Variants in BTBD9 observed in about 807,000 individuals in gnomAD.
BTBD9 encodes BTB domain containing 9.
Under a neutral mutation model 64.3 loss-of-function variants are expected in BTBD9, and 49 were observed. The ratio of observed to expected loss-of-function variants is 0.76; its 90% CI spans 0.61 to 0.97. BTBD9 has a LOEUF of 0.97. BTBD9 is among the 50% of genes least tolerant of loss of function. BTBD9 has a pLI of 0.00. For synonymous variants in BTBD9, 260 were observed against 274.7 expected (o/e 0.95, Z 0.53); for missense variants, 598 against 762.1 (o/e 0.78, Z 2.53).
At chr6:38,391,178 C>T (rs550097691) in intron 6 of BTBD9, among the ~76,000 whole-genome samples, 3 of 152,298 alleles carry the variant, frequency 2.0e-5, no homozygotes, top group African/African-American at 7.2e-5. Flanking sequence ...GGAATGTGTG[C>T]CAAGATGATT....
At chr6:38,328,029 G>C (rs36094313) in intron 7 of BTBD9, among the ~76,000 whole-genome samples, 28,985 of 152,108 alleles carry the variant, frequency 0.19, 2,963 homozygotes, top group African/African-American at 0.24. Context: ...CTTAAAGTAG[G>C]CAATGTGGAA....
At chr6:38,509,112 CA>C (rs1166102195) in intron 6 of BTBD9, among the ~76,000 whole-genome samples, 1 of 152,176 alleles carries the variant, frequency 6.6e-6, no homozygotes, top group African/African-American at 2.4e-5. Context: ...TCCCTGAAGA[CA>C]AGAAGTGTGA....
At chr6:38,321,787 CCTA>C (rs1470477313) in intron 7 of BTBD9, among the ~76,000 whole-genome samples, 1 of 151,762 alleles carries the variant, frequency 6.6e-6, no homozygotes, top group Non-Finnish European at 1.5e-5. Context: ...CTCCTGTTTG[CCTA>C]CTTTCTTTTT....
At position 38,430,521 on chromosome 6, in the gene BTBD9, A is replaced by T. The variant is rs1270795981; in HGVS notation, c.1155-85428T>A. Among the ~76,000 whole-genome samples the T allele has an allele frequency of 2.1e-5, 3 of 143,040 alleles. No homozygotes were observed. In the East Asian group the frequency reaches 6.4e-4, roughly 31 times the overall value. 93.8% of individuals were successfully genotyped at this position (143,040 alleles called of 152,430 possible). On this transcript the variant is annotated intron_variant, in intron 6 of 10. Coordinates refer to ENST00000481247, the MANE Select transcript of BTBD9 (RefSeq NM_001099272.2). ...CATGACCCACCGCAGCTGAAAAAAA[A>T]AAATTTTTTTTTGAGACAGGGTCTT...
At chr6:38,367,800 A>C (rs1765237726) in intron 6 of BTBD9, among the ~76,000 whole-genome samples, 1 of 12,382 alleles carries the variant, frequency 8.1e-5, no homozygotes, top group Non-Finnish European at 1.3e-4. Context: ...CAGAAATGGC[A>C]AAAAAAAAAA....
chr6:38,377,129 T>C (rs969143074), intron 6 of BTBD9, among the ~76,000 whole-genome samples: 1 of 152,226 alleles, frequency 6.6e-6, no homozygotes, highest in African/African-American at 2.4e-5. Flanking sequence ...AGAAAGTACA[T>C]GTTTCTCATT....
intron 6 of BTBD9, among the ~76,000 whole-genome samples, chr6:38,351,329 T>C (rs1339329799): frequency 6.6e-6 from 1 of 152,168 alleles, no homozygotes; most frequent in Non-Finnish European, 1.5e-5. Flanking sequence ...CAAAGGGAGC[T>C]ATCATGTCCT....
At chr6:38,609,261 A>G (rs1414608229) in intron 1 of BTBD9, among the ~76,000 whole-genome samples, 2 of 152,134 alleles carry the variant, frequency 1.3e-5, no homozygotes, top group Non-Finnish European at 2.9e-5. Context: ...TCCCAGCTAC[A>G]CTGGAGGCTG....
intron 6 of BTBD9, among the ~76,000 whole-genome samples, chr6:38,414,690 G>A (rs934529939): frequency 1.1e-4 from 16 of 152,072 alleles, no homozygotes; most frequent in African/African-American, 3.9e-4. Flanking sequence ...TAATGTAACT[G>A]ACTACCCCAT....
chr6:38,535,061 G>C (rs1433506385), intron 6 of BTBD9, among the ~76,000 whole-genome samples: 1 of 152,172 alleles, frequency 6.6e-6, no homozygotes, highest in Non-Finnish European at 1.5e-5. Flanking sequence ...ATCCAATTTG[G>C]AAATGAAGTC....
At chr6:38,572,507 C>A (rs1237613100) in intron 6 of BTBD9, among the ~76,000 whole-genome samples, 3 of 151,988 alleles carry the variant, frequency 2.0e-5, no homozygotes, top group Non-Finnish European at 4.4e-5. Flanking sequence ...ATGGCACACA[C>A]AATTTCTCAT....
At chr6:38,477,263 G>A (rs1278198296) in intron 6 of BTBD9, among the ~76,000 whole-genome samples, 1 of 152,212 alleles carries the variant, frequency 6.6e-6, no homozygotes, top group African/African-American at 2.4e-5. Flanking sequence ...AGGAACAGAA[G>A]CAAAATGAAG....
In BTBD9 at chr6:38,459,329, T is replaced by C. The variant is rs1424795300; in HGVS notation, c.1155-114236A>G. Among the ~76,000 whole-genome samples, 6 of 152,208 alleles carry C rather than the reference T, an allele frequency of 3.9e-5. No homozygotes were observed. The South Asian group carries it at 1.0e-3, about 26-fold the overall frequency. ...CATGTGCCTGGCTATGACCACCCTT[T>C]TATAACAAAGACATTTATCACTGAA... On this transcript the variant is annotated intron_variant, in intron 6 of 10. Transcript: ENST00000481247.
At chr6:38,446,328 G>A (rs1769276796) in intron 6 of BTBD9, among the ~76,000 whole-genome samples, 1 of 151,760 alleles carries the variant, frequency 6.6e-6, no homozygotes, top group Admixed American at 6.6e-5. Context: ...TTAAGAGTGA[G>A]GTTAAGAGCA....
chr6:38,580,469 T>C, intron 4 of BTBD9, 32 bp from the exon 5 acceptor site: 2 of 1,543,522 alleles, frequency 1.3e-6, no homozygotes, highest in Non-Finnish European at 1.8e-6. Context: ...GCAAGGTTAA[T>C]GATTACTTAT....
intron 1 of BTBD9, among the ~76,000 whole-genome samples, chr6:38,610,056 A>G (rs1240920196): frequency 3.9e-5 from 6 of 152,248 alleles, no homozygotes; most frequent in Admixed American, 3.9e-4. Context: ...GGTCATTTCT[A>G]AAAGAAAAAA....
intron 6 of BTBD9, among the ~76,000 whole-genome samples, chr6:38,385,738 T>A (rs1382309577): frequency 6.6e-6 from 1 of 151,734 alleles, no homozygotes; most frequent in African/African-American, 2.4e-5. Flanking sequence ...TGAATCAACA[T>A]GCCTACAAAA....
chr6:38,295,960 A>C (rs1561986644), intron 7 of BTBD9, among the ~76,000 whole-genome samples: 1 of 152,180 alleles, frequency 6.6e-6, no homozygotes, highest in Non-Finnish European at 1.5e-5. Context: ...AGGCAGGAGA[A>C]TCGCTTGAAC....
At chr6:38,358,074 G>A (rs1764803058) in intron 6 of BTBD9, among the ~76,000 whole-genome samples, 1 of 151,970 alleles carries the variant, frequency 6.6e-6, no homozygotes, top group Non-Finnish European at 1.5e-5. Flanking sequence ...TTCCTACTGA[G>A]TAAAAATAAA....
Sources: allele counts gnomAD v4.1 joint callset (sites outside exome capture counted in the v4.1 genomes callset), GRCh38; gene constraint gnomAD v4.1.1; transcripts MANE v1.5; gene names NCBI Gene and HGNC (gene_info 2026-07-23, HGNC 2026-07-21).